GAS7: variants seen among roughly 807,000 people sequenced by gnomAD.
GAS7 encodes growth arrest specific 7, also known as growth arrest-specific protein 7.
Under a neutral mutation model 71.1 loss-of-function variants are expected in GAS7, and 28 were observed. The observed-to-expected ratio is 0.39, with a 90% confidence interval of 0.29 to 0.54. The LOEUF (loss-of-function observed/expected upper bound fraction) is 0.54. Ranked by LOEUF, GAS7 falls within the 20% of genes least tolerant of loss-of-function variation. The pLI is 0.62. For missense variants in GAS7, 436 were observed against 627.8 expected (o/e 0.69, Z 3.27); for synonymous variants, 258 against 245.8 (o/e 1.05, Z -0.46).
chr17:10,140,496 T>C (rs1567607644), intron 1 of GAS7, among the ~76,000 whole-genome samples: 1 of 152,150 alleles, frequency 6.6e-6, no homozygotes, highest in East Asian at 1.9e-4. Context: ...TATATCTGCA[T>C]TTGTGTGTGT....
intron 1 of GAS7, among the ~76,000 whole-genome samples, chr17:10,056,164 G>A (rs185310392): frequency 2.4e-3 from 371 of 152,090 alleles, no homozygotes; most frequent in African/African-American, 8.5e-3. Flanking sequence ...TTTGAGACCA[G>A]TCTGGGCAAC....
rs1406716982 is a variant in GAS7, at chr17:10,055,971, C to A, written c.184-36074G>T. Among the ~76,000 whole-genome samples, 6 of 152,156 alleles carry A rather than the reference C, an allele frequency of 3.9e-5. 1 individual carries two copies. Among genetic ancestry groups the A allele is most frequent in the African/African-American group, 1.2e-4 (5 of 41,436 alleles). ...ATTCCTTCATGATACTTTCTTTGAC[C>A]CGCCAGGTAGAAGTGAATTATCCCC... is the stretch of plus-strand genomic sequence containing the variant. On this transcript the variant is annotated intron_variant, in intron 1 of 13. Coordinates refer to ENST00000432992, the MANE Select transcript of GAS7 (RefSeq NM_201433.2).
At chr17:10,124,136 G>A (rs1181650450) in intron 1 of GAS7, among the ~76,000 whole-genome samples, 6 of 152,334 alleles carry the variant, frequency 3.9e-5, no homozygotes, top group East Asian at 1.9e-4. Context: ...AAACAGAGCC[G>A]CCACTGTGCC....
chr17:10,016,912 T>C (rs1340525632), intron 2 of GAS7, among the ~76,000 whole-genome samples: 23 of 150,708 alleles, frequency 1.5e-4, no homozygotes, highest in Admixed American at 1.5e-3. Flanking sequence ...ATCGTGCCAC[T>C]GCACTCTAGC....
At chr17:9,917,973 C>T (rs376099685) in intron 13 of GAS7, 28 bp downstream of exon 13, 33 of 1,547,188 alleles carry the variant, frequency 2.1e-5, no homozygotes, top group African/African-American at 4.1e-5. Context: ...CCGTGTCGCC[C>T]GGGAGCCCCG....
intron 1 of GAS7, among the ~76,000 whole-genome samples, chr17:10,023,819 C>G (rs990981975): frequency 6.6e-6 from 1 of 151,966 alleles, no homozygotes; most frequent in African/African-American, 2.4e-5. Flanking sequence ...GTGTATTGTA[C>G]CACAATTAAA....
chr17:10,064,672 A>C (rs1268368256), intron 1 of GAS7, among the ~76,000 whole-genome samples: 2 of 152,222 alleles, frequency 1.3e-5, no homozygotes, highest in Non-Finnish European at 2.9e-5. Context: ...AGTCTCACTG[A>C]GAATGGAGCC....
chr17:9,938,794 C>T (rs964751453), intron 8 of GAS7, among the ~76,000 whole-genome samples: 13 of 152,318 alleles, frequency 8.5e-5, no homozygotes, highest in African/African-American at 2.9e-4. Context: ...CTCCCCCAGC[C>T]CCTGGCAAAT....
At position 10,124,609 on chromosome 17, in the gene GAS7, A is replaced by G. The variant is rs529595878; in HGVS notation, c.183+73599T>C. ...CACTGGATATTCTCAAGGACTTGGT[A>G]CAACCTTTCTAAAGAGCAGTGTGGG... is the stretch of plus-strand genomic sequence containing the variant. On this transcript the variant is annotated intron_variant, in intron 1 of 13. Coordinates refer to ENST00000432992, the MANE Select transcript of GAS7 (RefSeq NM_201433.2). 3.9e-5 allele frequency among the ~76,000 whole-genome samples: 6 copies of G among 152,294 alleles called. No homozygotes were observed. The South Asian group carries it at 1.2e-3, about 32-fold the overall frequency.
intron 4 of GAS7, among the ~76,000 whole-genome samples, chr17:9,963,525 C>T (rs1447098765): frequency 2.0e-5 from 3 of 151,978 alleles, no homozygotes; most frequent in African/African-American, 7.2e-5. Context: ...ACCAGTGTAT[C>T]TGTGTGTGAA....
intron 1 of GAS7, among the ~76,000 whole-genome samples, chr17:10,054,247 C>T (rs4791925): frequency 6.6e-6 from 1 of 151,724 alleles, no homozygotes. Flanking sequence ...CTTTCCCTAA[C>T]CATAAGAAAA....
intron 1 of GAS7, among the ~76,000 whole-genome samples, chr17:10,196,201 A>T (rs2074539160): frequency 6.6e-6 from 1 of 152,142 alleles, no homozygotes; most frequent in Admixed American, 6.5e-5. Flanking sequence ...TATCATGTTT[A>T]AAAAAGGCAC....
At chr17:10,069,452 C>T (rs138827879) in intron 1 of GAS7, among the ~76,000 whole-genome samples, 320 of 152,312 alleles carry the variant, frequency 2.1e-3, no homozygotes, top group African/African-American at 6.0e-3. Flanking sequence ...TATTTCATGC[C>T]AATAAACACT....
At chr17:10,126,157 G>A (rs568668887) in intron 1 of GAS7, among the ~76,000 whole-genome samples, 2 of 152,314 alleles carry the variant, frequency 1.3e-5, no homozygotes, top group Admixed American at 1.3e-4. Context: ...AGGGACTCAA[G>A]GAAGGGGAAG....
Position 10,010,354 on chromosome 17 carries a change from G to A in GAS7, c.304+9423C>T, listed in dbSNP as rs562679535. ...TTTTTAGTAGAGACAGGGTTTCACC[G>A]TGTTAGCCAGGATGGTCTTGATCTC... is the stretch of plus-strand genomic sequence containing the variant. On this transcript the variant is annotated intron_variant, in intron 2 of 13. Coordinates refer to ENST00000432992, the MANE Select transcript of GAS7 (RefSeq NM_201433.2). Among the ~76,000 whole-genome samples the A allele has an allele frequency of 5.9e-5, 9 of 152,094 alleles. 1 individual carries two copies. The highest frequency in any genetic ancestry group is 8.8e-5 in the Non-Finnish European group (6 of 67,988).
In GAS7 at chr17:9,936,214, A is replaced by G. The variant is rs78165636; in HGVS notation, c.807-1970T>C. 7.7e-4 allele frequency among the ~76,000 whole-genome samples: 118 copies of G among 152,274 alleles called. 1 individual carries two copies. The highest frequency in any genetic ancestry group is 2.7e-3 in the African/African-American group (113 of 41,568). ...GCATACCAAGGTTGTCCTGGGAGGA[A>G]TGGGAACTGGATTAAAGGGAAGTGA... On this transcript the variant is annotated intron_variant, in intron 8 of 13. Coordinates refer to ENST00000432992, the MANE Select transcript of GAS7 (RefSeq NM_201433.2).
chr17:10,044,590 T>G (rs537821031), intron 1 of GAS7, among the ~76,000 whole-genome samples: 17 of 152,366 alleles, frequency 1.1e-4, no homozygotes, highest in African/African-American at 3.4e-4. Context: ...ATTCACGGCA[T>G]GTCTAACATT....
At chr17:9,934,006 A>G (rs997365957) in intron 9 of GAS7, among the ~76,000 whole-genome samples, 160 bp downstream of exon 9, 4 of 152,224 alleles carry the variant, frequency 2.6e-5, no homozygotes, top group Non-Finnish European at 4.4e-5. Flanking sequence ...GCCACTGGGC[A>G]GATATCTCTT....
At chr17:9,975,538 C>CT (rs1555609693) in intron 3 of GAS7, among the ~76,000 whole-genome samples, 1 of 151,330 alleles carries the variant, frequency 6.6e-6, no homozygotes, top group Non-Finnish European at 1.5e-5. Flanking sequence ...CTCACCCCCC[C>CT]CTTTTTCCTT....
Sources: allele counts gnomAD v4.1 joint callset (sites outside exome capture counted in the v4.1 genomes callset), GRCh38; gene constraint gnomAD v4.1.1; transcripts MANE v1.5; gene names NCBI Gene and HGNC (gene_info 2026-07-23, HGNC 2026-07-21).